Variants in KCNH7 observed in about 807,000 individuals in gnomAD.
The protein encoded by KCNH7 is voltage-gated inwardly rectifying potassium channel KCNH7.
A neutral mutation model predicts 120.8 loss-of-function variants in KCNH7; 49 were observed. The ratio of observed to expected loss-of-function variants is 0.41; its 90% CI spans 0.32 to 0.51. KCNH7 has a LOEUF of 0.51. KCNH7 is among the 20% of genes least tolerant of loss of function. The pLI is 0.38. For missense variants in KCNH7, 1,097 were observed against 1,446.6 expected, an observed-to-expected ratio of 0.76 and a Z score of 3.92; for synonymous variants, 547 against 516.1, an observed-to-expected ratio of 1.06 and a Z score of -0.81.
At chr2:162,813,626 A>G (rs1224373566) in intron 2 of KCNH7, among the ~76,000 whole-genome samples, 2 of 152,188 alleles carry the variant, frequency 1.3e-5, no homozygotes, top group Admixed American at 6.5e-5. Context: ...AAATTTAACA[A>G]TTCACTCAAA....
intron 14 of KCNH7, among the ~76,000 whole-genome samples, chr2:162,375,545 A>G (rs774123242): frequency 3.3e-5 from 5 of 152,202 alleles, no homozygotes; most frequent in Non-Finnish European, 5.9e-5. Flanking sequence ...GGGTAGTTCA[A>G]CAAAGGGCAG....
At chr2:162,404,719 C>T (rs886601407) in intron 9 of KCNH7, among the ~76,000 whole-genome samples, 2 of 151,950 alleles carry the variant, frequency 1.3e-5, no homozygotes, top group African/African-American at 2.4e-5. Flanking sequence ...GCCTGCAGAA[C>T]CATAAGCCAA....
At chr2:162,540,330 G>T (rs1574079464) in intron 2 of KCNH7, among the ~76,000 whole-genome samples, 1 of 151,414 alleles carries the variant, frequency 6.6e-6, no homozygotes, top group East Asian at 1.9e-4. Context: ...TTTCCAAAGT[G>T]GAAAAGACTG....
At chr2:162,452,708 T>C (rs569313838) in intron 6 of KCNH7, among the ~76,000 whole-genome samples, 2 of 152,218 alleles carry the variant, frequency 1.3e-5, no homozygotes, top group South Asian at 4.1e-4. Flanking sequence ...CTTAGGTCTC[T>C]TACTGAAATA....
intron 2 of KCNH7, among the ~76,000 whole-genome samples, chr2:162,823,575 C>A (rs543425788): frequency 6.6e-6 from 1 of 152,108 alleles, no homozygotes; most frequent in African/African-American, 2.4e-5. Flanking sequence ...GAAGGCCCTG[C>A]CTGGTTATAC....
At chr2:162,461,366 G>C (rs1689139742) in intron 6 of KCNH7, among the ~76,000 whole-genome samples, 1 of 152,020 alleles carries the variant, frequency 6.6e-6, no homozygotes, top group Admixed American at 6.6e-5. Context: ...CAATTCATAG[G>C]CAACTGTGAA....
Position 162,402,147 on chromosome 2 carries a change from A to T in KCNH7, c.2155-1706T>A, listed in dbSNP as rs13391458. ...GGACTCCTTCCAGGTTCCCTGCTTG[A>T]TGGAAGACCTCTCCTACATGATAAC... On this transcript the variant is annotated intron_variant, in intron 9 of 15. Coordinates refer to ENST00000332142, the MANE Select transcript of KCNH7 (RefSeq NM_033272.4). 4.1e-3 allele frequency among the ~76,000 whole-genome samples: 617 copies of T among 151,340 alleles called. 2 individuals are homozygous for T. Among genetic ancestry groups the T allele is most frequent in the African/African-American group, 0.014 (584 of 41,324 alleles).
chr2:162,769,679 T>C (rs1682964678), intron 2 of KCNH7, among the ~76,000 whole-genome samples: 1 of 151,856 alleles, frequency 6.6e-6, no homozygotes, highest in South Asian at 2.1e-4. Flanking sequence ...ATATTATGCA[T>C]ACATATATAT....
intron 2 of KCNH7, among the ~76,000 whole-genome samples, chr2:162,804,571 C>A (rs1007214601): frequency 1.3e-5 from 2 of 151,882 alleles, no homozygotes; most frequent in Admixed American, 6.6e-5. Flanking sequence ...AGTAGAACTA[C>A]AAAGCACTGC....
At chr2:162,402,809 C>CTGTG (rs1161052604) in intron 9 of KCNH7, among the ~76,000 whole-genome samples, 84 of 151,694 alleles carry the variant, frequency 5.5e-4, no homozygotes, top group African/African-American at 1.9e-3. Flanking sequence ...GTGTGCATGT[C>CTGTG]TGTGTGTGTG....
intron 3 of KCNH7, among the ~76,000 whole-genome samples, chr2:162,521,748 C>T (rs985276474): frequency 2.6e-5 from 4 of 151,748 alleles, no homozygotes; most frequent in African/African-American, 9.7e-5. Flanking sequence ...TTTTTTGTGT[C>T]AGAAACATTC....
At chr2:162,799,953 C>CAT (rs1487974927) in intron 2 of KCNH7, among the ~76,000 whole-genome samples, 1 of 150,984 alleles carries the variant, frequency 6.6e-6, no homozygotes, top group Non-Finnish European at 1.5e-5. Flanking sequence ...CACACATACA[C>CAT]ACACACACAC....
At chr2:162,616,427 T>C (rs974601402) in intron 2 of KCNH7, among the ~76,000 whole-genome samples, 3 of 152,342 alleles carry the variant, frequency 2.0e-5, no homozygotes, top group East Asian at 1.9e-4. Flanking sequence ...AACTGAACTT[T>C]AGAAAACTTA....
intron 2 of KCNH7, among the ~76,000 whole-genome samples, chr2:162,765,958 T>C (rs1682787282): frequency 6.6e-6 from 1 of 152,114 alleles, no homozygotes; most frequent in Non-Finnish European, 1.5e-5. Context: ...GGTCTCACTA[T>C]GTTGCCCAGG....
At chr2:162,708,237 T>TG (rs1686788655) in intron 2 of KCNH7, among the ~76,000 whole-genome samples, 1 of 151,962 alleles carries the variant, frequency 6.6e-6, no homozygotes, top group Non-Finnish European at 1.5e-5. Context: ...AAGGTCAGGA[T>TG]GGGAGTCCTT....
At chr2:162,379,104 G>A (rs773097547) in intron 14 of KCNH7, among the ~76,000 whole-genome samples, 2 of 152,166 alleles carry the variant, frequency 1.3e-5, no homozygotes, top group Non-Finnish European at 2.9e-5. Context: ...TGTGATTAGA[G>A]CATTTTAATT....
At chr2:162,394,028 A>T (rs76094849) in intron 12 of KCNH7, among the ~76,000 whole-genome samples, 12 of 152,000 alleles carry the variant, frequency 7.9e-5, no homozygotes, top group Non-Finnish European at 1.5e-4. Flanking sequence ...GCCTTCATCC[A>T]TGTCATGCAT....
chr2:162,811,720 C>G (rs780380105), intron 2 of KCNH7, among the ~76,000 whole-genome samples: 13 of 152,044 alleles, frequency 8.6e-5, no homozygotes, highest in Non-Finnish European at 1.8e-4. Context: ...TTGCATAGCA[C>G]AATTATCCTT....
intron 2 of KCNH7, among the ~76,000 whole-genome samples, chr2:162,783,068 G>C (rs542147266): frequency 1.3e-5 from 2 of 152,298 alleles, no homozygotes; most frequent in South Asian, 4.1e-4. Flanking sequence ...TTATCCAACA[G>C]TGGCTAGGCC....
Sources: allele counts gnomAD v4.1 joint callset (sites outside exome capture counted in the v4.1 genomes callset), GRCh38; gene constraint gnomAD v4.1.1; transcripts MANE v1.5; gene names NCBI Gene and HGNC (gene_info 2026-07-23, HGNC 2026-07-21).